Variants in TAF4 observed in about 807,000 individuals in gnomAD.
The protein encoded by TAF4 is TATA-box binding protein associated factor 4, also known as transcription initiation factor TFIID subunit 4.
A neutral mutation model predicts 90.3 loss-of-function variants in TAF4; 9 were observed. The ratio of observed to expected loss-of-function variants is 0.10; its 90% CI spans 0.06 to 0.17. The LOEUF is 0.17. TAF4 is among the 10% of genes least tolerant of loss of function. TAF4 has a pLI of 1.00. For synonymous variants in TAF4, 818 were observed against 638.9 expected (o/e 1.28, Z -4.23); for missense variants, 1,351 against 1,370.7 (o/e 0.99, Z 0.23).
At chr20:62,063,144 C>G (rs974725872) in intron 1 of TAF4, among the ~76,000 whole-genome samples, 1 of 152,192 alleles carries the variant, frequency 6.6e-6, no homozygotes, top group Non-Finnish European at 1.5e-5. Context: ...CTTCACAGCT[C>G]TCTTCCTCCC....
intron 2 of TAF4, among the ~76,000 whole-genome samples, chr20:62,013,265 G>C (rs2123148030): frequency 6.6e-6 from 1 of 152,346 alleles, no homozygotes; most frequent in East Asian, 1.9e-4. Flanking sequence ...AGGATGCAAA[G>C]GCAGACGGCC....
rs527969840 is a variant in TAF4, at chr20:61,988,203, T to C, written c.3090+9347A>G. 2.0e-4 allele frequency among the ~76,000 whole-genome samples: 30 copies of C among 152,208 alleles called. No homozygotes were observed. The South Asian group carries it at 5.8e-3, about 29-fold the overall frequency. The stretch of plus-strand genomic sequence containing the variant: ...CAAGAGTGCACCCTGATGGGAACTA[T>C]GGAAGCTGGGTGAGAAGGACGTGTT... On this transcript the variant is annotated intron_variant, in intron 14 of 14. Transcript: ENST00000252996.
At chr20:62,003,914 C>T in intron 7 of TAF4, 36 bp from the exon 8 acceptor site, 1 of 1,511,266 alleles carries the variant, frequency 6.6e-7, no homozygotes. Flanking sequence ...TGAGCATGCT[C>T]CCCGAGGGCC....
chr20:62,025,649 G>A (rs569920729), intron 1 of TAF4, among the ~76,000 whole-genome samples: 1 of 152,272 alleles, frequency 6.6e-6, no homozygotes, highest in African/African-American at 2.4e-5. Flanking sequence ...CTTCCCCTTC[G>A]CCTTCTGCCA....
intron 14 of TAF4, among the ~76,000 whole-genome samples, chr20:61,995,944 G>A (rs2055660486): frequency 2.6e-5 from 4 of 151,818 alleles, no homozygotes; most frequent in Admixed American, 2.6e-4. Context: ...GAAAGACACT[G>A]ACCTACAGAT....
At chr20:62,027,843 AC>A (rs1166107320) in intron 1 of TAF4, among the ~76,000 whole-genome samples, 5 of 152,228 alleles carry the variant, frequency 3.3e-5, no homozygotes, top group African/African-American at 1.2e-4. Context: ...CTCCATGCGC[AC>A]GGGGCAAAGA....
At chr20:62,019,615 C>T (rs2055831181) in intron 1 of TAF4, among the ~76,000 whole-genome samples, 1 of 152,168 alleles carries the variant, frequency 6.6e-6, no homozygotes, top group African/African-American at 2.4e-5. Context: ...GTGCACTCCT[C>T]CAAAGCCTGG....
intron 10 of TAF4, 31 bp downstream of exon 10, chr20:62,000,521 A>G (rs200208477): frequency 4.4e-6 from 7 of 1,602,086 alleles, no homozygotes; most frequent in African/African-American, 4.0e-5. Context: ...CAGCTGTTTA[A>G]TAAGAACTCA....
intron 1 of TAF4, among the ~76,000 whole-genome samples, chr20:62,021,046 C>T (rs958284763): frequency 3.3e-5 from 5 of 152,044 alleles, no homozygotes; most frequent in Admixed American, 6.6e-5. Flanking sequence ...AGCCACAGTA[C>T]GGGGAAGGAG....
At chr20:62,025,476 A>G (rs1237010799) in intron 1 of TAF4, among the ~76,000 whole-genome samples, 1 of 152,164 alleles carries the variant, frequency 6.6e-6, no homozygotes, top group East Asian at 1.9e-4. Flanking sequence ...TTCCAACTGT[A>G]ATCCCCACGT....
intron 14 of TAF4, among the ~76,000 whole-genome samples, chr20:61,983,526 G>A (rs2055563527): frequency 6.6e-6 from 1 of 152,072 alleles, no homozygotes; most frequent in Non-Finnish European, 1.5e-5. Context: ...GTCAGATGCG[G>A]TGCTGTGTGC....
chr20:62,003,161 G>A lies in TAF4; in HGVS notation c.2485C>T (p.Arg829Trp), dbSNP rs376636061. The change falls in exon 9 of 15, where the codon CGG becomes TGG. Residue 829 changes from arginine to tryptophan, a missense_variant and splice_region_variant. Arg to Trp is a moderately radical substitution (Grantham distance 101). This residue lies in a region of TAF4 where 6 missense variants were observed against 28.0 expected (regional missense o/e 0.21). Coordinates refer to ENST00000252996, the MANE Select transcript of TAF4 (RefSeq NM_003185.4). ...KLKEPGGGSF[R>W]DDDDINDVAS... ...AACGTACACAGGCCCATTCCTTACC[G>A]AAACGAACCTCCCCCAGGCTCCTTG... The A allele has an allele frequency of 1.2e-6, 2 of 1,613,778 alleles. No homozygotes were observed. The highest frequency in any genetic ancestry group is 1.3e-5 in the African/African-American group (1 of 74,858).
At chr20:62,023,611 G>T (rs2055856306) in intron 1 of TAF4, among the ~76,000 whole-genome samples, 2 of 151,600 alleles carry the variant, frequency 1.3e-5, no homozygotes. Context: ...AGCTGGGCGT[G>T]GTGGCGCACA....
intron 1 of TAF4, among the ~76,000 whole-genome samples, chr20:62,026,469 G>A (rs1190184033): frequency 1.3e-5 from 2 of 152,136 alleles, no homozygotes; most frequent in Non-Finnish European, 2.9e-5. Context: ...ATAACACCAA[G>A]CTAGCTCCTT....
intron 14 of TAF4, among the ~76,000 whole-genome samples, chr20:61,986,493 G>A (rs576154859): frequency 1.3e-5 from 2 of 149,598 alleles, no homozygotes; most frequent in African/African-American, 4.9e-5. Flanking sequence ...CCAATCAAAG[G>A]AAACACCATT....
intron 2 of TAF4, 66 bp from the exon 3 acceptor site, chr20:62,013,000 A>G: frequency 3.1e-6 from 5 of 1,590,602 alleles, no homozygotes; most frequent in Non-Finnish European, 4.3e-6. Flanking sequence ...CCAGGTACAC[A>G]GAAATTATTC....
intron 13 of TAF4, 36 bp downstream of exon 13, chr20:61,998,100 A>C: frequency 6.2e-7 from 1 of 1,608,640 alleles, no homozygotes; most frequent in Non-Finnish European, 8.5e-7. Flanking sequence ...GTGCACAGCA[A>C]AGTGCCCACG....
intron 1 of TAF4, among the ~76,000 whole-genome samples, chr20:62,062,692 G>A (rs182703760): frequency 3.9e-5 from 6 of 152,294 alleles, no homozygotes; most frequent in African/African-American, 1.4e-4. Flanking sequence ...TAAAACAGAA[G>A]ATGGAAGTGA....
intron 1 of TAF4, among the ~76,000 whole-genome samples, chr20:62,031,998 A>T (rs961899569): frequency 3.9e-5 from 6 of 152,092 alleles, no homozygotes; most frequent in African/African-American, 1.4e-4. Context: ...TCCTTTCCTC[A>T]GAGCTCCCCC....
Sources: gnomAD v4.1 joint callset for allele counts (sites outside exome capture counted in the v4.1 genomes callset) on GRCh38, gnomAD v4.1.1 for gene constraint, gnomAD v4.1.1 regional missense constraint, MANE v1.5 for transcripts, NCBI Gene and HGNC (gene_info 2026-07-23, HGNC 2026-07-21) for gene names.